Variants in SLC9C1 observed in about 807,000 individuals in gnomAD.
The protein encoded by SLC9C1 is solute carrier family 9 member C1, also known as sodium/hydrogen exchanger 10.
SLC9C1 carries 97 observed loss-of-function variants against 140.9 expected under a neutral mutation model. The ratio of observed to expected loss-of-function variants is 0.69; its 90% CI spans 0.58 to 0.82. The LOEUF (loss-of-function observed/expected upper bound fraction) is 0.82, where lower values mean the gene tolerates loss of function less well. Ranked by LOEUF, SLC9C1 falls within the 40% of genes least tolerant of loss-of-function variation. SLC9C1 has a pLI of 0.00. For missense variants in SLC9C1, 1,340 were observed against 1,389.3 expected, an observed-to-expected ratio of 0.96 and a Z score of 0.56; for synonymous variants, 440 against 442.6, an observed-to-expected ratio of 0.99 and a Z score of 0.07.
At chr3:112,276,170 G>A (rs2080208807) in intron 5 of SLC9C1, among the ~76,000 whole-genome samples, 1 of 152,104 alleles carries the variant, frequency 6.6e-6, no homozygotes, top group Admixed American at 6.6e-5. Flanking sequence ...CACATTTGGA[G>A]TTGTTTATTA....
At chr3:112,172,823 A>G (rs1264658869) in intron 23 of SLC9C1, among the ~76,000 whole-genome samples, 2 of 151,906 alleles carry the variant, frequency 1.3e-5, no homozygotes, top group East Asian at 3.9e-4. Flanking sequence ...TTTTTTTCTT[A>G]TAATGTGTTG....
chr3:112,264,421 AT>A, intron 8 of SLC9C1, 78 bp from the exon 9 acceptor site: 1 of 867,786 alleles, frequency 1.2e-6, no homozygotes, highest in South Asian at 3.3e-5. Flanking sequence ...ATCTATGTGA[AT>A]CATTGTGCTA....
intron 10 of SLC9C1, among the ~76,000 whole-genome samples, chr3:112,245,098 T>C (rs2079243908): frequency 1.3e-5 from 2 of 152,216 alleles, no homozygotes; most frequent in Admixed American, 6.5e-5. Context: ...CATTCACCAA[T>C]GAGAGGCAGC....
chr3:112,221,342 T>C, intron 13 of SLC9C1, 117 bp from the exon 14 acceptor site: 2 of 848,650 alleles, frequency 2.4e-6, no homozygotes, highest in Non-Finnish European at 3.6e-6. Flanking sequence ...AGTCTGTTTG[T>C]AAAAAGAATA....
At chr3:112,253,654 G>A (rs865891453) in intron 10 of SLC9C1, among the ~76,000 whole-genome samples, 38 of 152,158 alleles carry the variant, frequency 2.5e-4, no homozygotes, top group African/African-American at 8.7e-4. Context: ...CAGCTAAAGG[G>A]ACACCCAAAC....
At chr3:112,226,755 C>A (rs867261983) in intron 13 of SLC9C1, among the ~76,000 whole-genome samples, 1 of 151,514 alleles carries the variant, frequency 6.6e-6, no homozygotes, top group Non-Finnish European at 1.5e-5. Context: ...GTTCAAAAAA[C>A]AACTTAATTA....
chr3:112,151,047 A>T lies in SLC9C1; in HGVS notation c.3524+810T>A, dbSNP rs182373486. Among the ~76,000 whole-genome samples, 153 of 151,940 alleles carry T rather than the reference A, an allele frequency of 1.0e-3. 3 individuals are homozygous for T. In the East Asian group the frequency reaches 0.013, roughly 13 times the overall value. ...GAGATGGGGTTTCACTACCTTGGTC[A>T]GGCTGGTCTTGAACTCCTGACCTCG... is the stretch of plus-strand genomic sequence containing the variant. On this transcript the variant is annotated intron_variant, in intron 28 of 28. Transcript: ENST00000305815.
At chr3:112,159,965 G>C (rs2075244134) in intron 26 of SLC9C1, among the ~76,000 whole-genome samples, 1 of 151,778 alleles carries the variant, frequency 6.6e-6, no homozygotes, top group African/African-American at 2.4e-5. Context: ...TATAGGCAAA[G>C]AGTTCTTCTC....
At position 112,160,465 on chromosome 3, in the gene SLC9C1, T is replaced by C. The variant is rs541469541; in HGVS notation, c.3365-5416A>G. On this transcript the variant is annotated intron_variant, in intron 26 of 28. Coordinates refer to ENST00000305815, the MANE Select transcript of SLC9C1 (RefSeq NM_183061.3). ...CCCCAGAGTGTGATGTTCCCCTTCC[T>C]GTGTCCATGTGATCTCATTTTTCAA... 2.8e-5 allele frequency among the ~76,000 whole-genome samples: 4 copies of C among 140,698 alleles called. No individual in the cohort carries two copies. In the East Asian group the frequency reaches 8.9e-4, roughly 31 times the overall value. 92.3% of individuals were successfully genotyped at this position (140,698 alleles called of 152,430 possible).
intron 6 of SLC9C1, among the ~76,000 whole-genome samples, chr3:112,274,565 T>TGCA (rs2080163838): frequency 6.6e-6 from 1 of 152,144 alleles, no homozygotes; most frequent in African/African-American, 2.4e-5. Context: ...TACTAGTGGA[T>TGCA]GCACTATTTG....
At chr3:112,240,664 C>A (rs1160202049) in intron 11 of SLC9C1, among the ~76,000 whole-genome samples, 1 of 152,162 alleles carries the variant, frequency 6.6e-6, no homozygotes, top group African/African-American at 2.4e-5. Flanking sequence ...GGTTCTCAGG[C>A]CTTTGGAATG....
intron 2 of SLC9C1, 97 bp from the exon 3 acceptor site, chr3:112,280,880 A>C: frequency 2.6e-6 from 2 of 778,798 alleles, no homozygotes; most frequent in South Asian, 3.4e-5. Context: ...AATGTCTTAC[A>C]GTTTCACTAC....
rs746744772 is a variant in SLC9C1 at position 112,204,279 on chromosome 3, T to A, written c.2111A>T (p.Glu704Val). 1.3e-6 allele frequency: 2 copies of A among 1,549,656 alleles called. No homozygotes were observed. The highest frequency in any genetic ancestry group is 1.7e-6 in the Non-Finnish European group (2 of 1,156,928). ...TTTTATAAAGACTATTACTTCAGTC[T>A]CATTAAAAATATACTTAATGGTGTC... ...EIDTIKYIFN[E>V]TEVIVFIKVV... is the part of the protein sequence containing the mutation. The change falls in exon 17 of 29, where the codon GAG becomes GTG. Residue 704 changes from glutamate to valine, a missense_variant. Coordinates refer to ENST00000305815, the MANE Select transcript of SLC9C1 (RefSeq NM_183061.3).
At chr3:112,288,042 C>A (rs1252397700) in intron 1 of SLC9C1, among the ~76,000 whole-genome samples, 191 of 81,758 alleles carry the variant, frequency 2.3e-3, no homozygotes, top group African/African-American at 4.5e-3. Flanking sequence ...GACTCCGTCT[C>A]AAAAAAAAAA....
At chr3:112,225,847 T>A (rs1165602836) in intron 13 of SLC9C1, among the ~76,000 whole-genome samples, 1 of 152,118 alleles carries the variant, frequency 6.6e-6, no homozygotes, top group Non-Finnish European at 1.5e-5. Context: ...GTTTACTATA[T>A]AATGATAAAG....
At chr3:112,148,244 T>A (rs2074860803) in intron 28 of SLC9C1, among the ~76,000 whole-genome samples, 1 of 152,186 alleles carries the variant, frequency 6.6e-6, no homozygotes, top group Admixed American at 6.5e-5. Flanking sequence ...ATGCTTTGAC[T>A]TCCTTATCTG....
intron 10 of SLC9C1, among the ~76,000 whole-genome samples, chr3:112,248,292 T>A (rs2108247110): frequency 1.0e-5 from 1 of 96,396 alleles, no homozygotes; most frequent in East Asian, 5.3e-4. Context: ...CACTCCCAAT[T>A]TATGCTTAAA....
At position 112,205,628 on chromosome 3, in the gene SLC9C1, C is replaced by CCTCACGCT. The variant is rs1252368034; in HGVS notation, c.1987-1226_1987-1225insAGCGTGAG. On this transcript the variant is annotated intron_variant, in intron 16 of 28. Transcript: ENST00000305815. The stretch of plus-strand genomic sequence containing the variant: ...TAAGCCAAAAGAACAAAGCTGGAAA[C>CCTCACGCT]AGCATGGTACTGGTACCAAAACAGA... 3.8e-4 allele frequency among the ~76,000 whole-genome samples: 24 copies of CCTCACGCT among 62,648 alleles called. 1 individual carries two copies. Among genetic ancestry groups the CCTCACGCT allele is most frequent in the East Asian group, 7.5e-3 (1 of 134 alleles). 41.1% of individuals were successfully genotyped at this position (62,648 alleles called of 152,430 possible). A position where few individuals can be genotyped will look rare whatever the true frequency, so the allele number is the denominator to read the frequency against.
intron 20 of SLC9C1, chr3:112,185,762 G>C: frequency 6.5e-7 from 1 of 1,543,828 alleles, no homozygotes; most frequent in Non-Finnish European, 8.7e-7. Flanking sequence ...TGTCCTTCAG[G>C]GAGGGCGTCC....
Sources: gnomAD v4.1 joint callset for allele counts (sites outside exome capture counted in the v4.1 genomes callset) on GRCh38, gnomAD v4.1.1 for gene constraint, MANE v1.5 for transcripts, NCBI Gene and HGNC (gene_info 2026-07-23, HGNC 2026-07-21) for gene names.